Variants in TUSC3 observed in about 807,000 individuals in gnomAD.
The protein encoded by TUSC3 is tumor suppressor candidate 3.
A neutral mutation model predicts 44.8 loss-of-function variants in TUSC3; 45 were observed. That is an observed-to-expected ratio of 1.00 (90% CI 0.79 to 1.29). The LOEUF is 1.29. TUSC3 is among the 50% of genes most tolerant of loss of function. The pLI, the probability that TUSC3 is intolerant of heterozygous loss-of-function variation, is 0.00. For missense variants in TUSC3, 519 were observed against 437.9 expected, an observed-to-expected ratio of 1.19 and a Z score of -1.65; for synonymous variants, 212 against 152.9, an observed-to-expected ratio of 1.39 and a Z score of -2.85.
intron 8 of TUSC3, among the ~76,000 whole-genome samples, chr8:15,746,502 C>T (rs1034521478): frequency 6.7e-6 from 1 of 148,874 alleles, no homozygotes; most frequent in Non-Finnish European, 1.5e-5. Context: ...GGTGTAGTAT[C>T]TCATGTGGCT....
chr8:15,593,633 G>A (rs1046667528), intron 1 of TUSC3, among the ~76,000 whole-genome samples: 3 of 151,916 alleles, frequency 2.0e-5, no homozygotes, highest in Non-Finnish European at 2.9e-5. Context: ...ATTGTAATCC[G>A]CATAGCCATA....
intron 6 of TUSC3, among the ~76,000 whole-genome samples, chr8:15,684,277 C>G (rs1808536180): frequency 6.6e-6 from 1 of 152,106 alleles, no homozygotes; most frequent in Non-Finnish European, 1.5e-5. Flanking sequence ...AGTCACAACT[C>G]CTTGGGAACC....
chr8:15,429,188 G>T (rs2129116571), intron 1 of TUSC3, among the ~76,000 whole-genome samples: 1 of 152,206 alleles, frequency 6.6e-6, no homozygotes, highest in East Asian at 1.9e-4. Context: ...TTCTACATAT[G>T]GCTAGCCAGT....
chr8:15,675,310 A>T (rs919998381), intron 6 of TUSC3, among the ~76,000 whole-genome samples: 2 of 150,786 alleles, frequency 1.3e-5, no homozygotes, highest in Admixed American at 6.6e-5. Flanking sequence ...TTCTTTAGGT[A>T]TAAAACATAT....
At chr8:15,494,916 G>A (rs1800859238) in intron 2 of TUSC3, among the ~76,000 whole-genome samples, 2 of 146,310 alleles carry the variant, frequency 1.4e-5, no homozygotes, top group Non-Finnish European at 3.1e-5. Flanking sequence ...ATCTACCTGG[G>A]GCCATTTTTA....
Position 15,673,758 on chromosome 8 carries a change from T to G in TUSC3, c.720T>G (p.Phe240Leu). ...GWAMVSLCIVFAMTSGQMWNH... is the reference protein window; with the variant it reads ...GWAMVSLCIVLAMTSGQMWNH... Reference sequence around the variant, plus strand: ...ACCCTGTTTTTCAGTGTATAGTCTTTGCTATGACTTCTGGCCAGATGTGGA... The same window carrying G: ...ACCCTGTTTTTCAGTGTATAGTCTTGGCTATGACTTCTGGCCAGATGTGGA... Residue 240 changes from phenylalanine to leucine, a missense_variant, in exon 6 of 11, where the codon TTT (phenylalanine) becomes TTG (leucine). Phe to Leu is a conservative substitution (Grantham distance 22, BLOSUM62 0). Coordinates refer to ENST00000503731, the MANE Select transcript of TUSC3 (RefSeq NM_006765.4). The G allele has an allele frequency of 6.2e-7, 1 of 1,612,724 alleles. No individual in the cohort carries two copies. Among genetic ancestry groups the G allele is most frequent in the Non-Finnish European group, 8.5e-7 (1 of 1,179,024 alleles).
At chr8:15,551,523 G>T (rs191244645) in intron 1 of TUSC3, among the ~76,000 whole-genome samples, 1 of 151,524 alleles carries the variant, frequency 6.6e-6, no homozygotes, top group Non-Finnish European at 1.5e-5. Context: ...TCTTTTATTT[G>T]ACTGTCAAAT....
chr8:15,669,783 A>G (rs1807859541), intron 5 of TUSC3, among the ~76,000 whole-genome samples: 1 of 151,768 alleles, frequency 6.6e-6, no homozygotes, highest in Non-Finnish European at 1.5e-5. Flanking sequence ...GGAATAATAC[A>G]AGATGCCTGC....
intron 2 of TUSC3, among the ~76,000 whole-genome samples, chr8:15,512,874 A>ATATATATATATC (rs1801159799): frequency 2.9e-5 from 3 of 102,736 alleles, no homozygotes; most frequent in Non-Finnish European, 4.4e-5. Flanking sequence ...ATGTGTGTGT[A>ATATATATATATC]TATATATATA....
At chr8:15,439,855 C>G (rs1212111799) in intron 1 of TUSC3, among the ~76,000 whole-genome samples, 1 of 152,146 alleles carries the variant, frequency 6.6e-6, no homozygotes, top group African/African-American at 2.4e-5. Flanking sequence ...TACATTCAGT[C>G]TCTTGGTTCA....
At chr8:15,493,224 C>T (rs946390807) in intron 2 of TUSC3, among the ~76,000 whole-genome samples, 1 of 152,102 alleles carries the variant, frequency 6.6e-6, no homozygotes, top group Non-Finnish European at 1.5e-5. Flanking sequence ...TATTATTTGA[C>T]TCTATTGTAT....
chr8:15,664,410 TTGAAAACCTCTGCTATGTTATACA>T (rs1349954757), intron 5 of TUSC3, among the ~76,000 whole-genome samples: 2 of 150,416 alleles, frequency 1.3e-5, no homozygotes, highest in Middle Eastern at 3.2e-3. Context: ...ATCAGTTTTC[TTGAAAACCTCTGCTATGTTATACA>T]GATTTATTAT....
chr8:15,762,559 G>A (rs117011412), intron 10 of TUSC3, among the ~76,000 whole-genome samples: 10 of 152,132 alleles, frequency 6.6e-5, no homozygotes, highest in East Asian at 1.9e-4. Flanking sequence ...GGGTAATATC[G>A]TTAGCAGCAA....
intron 1 of TUSC3, among the ~76,000 whole-genome samples, chr8:15,600,968 T>G (rs1804263262): frequency 6.6e-6 from 1 of 151,546 alleles, no homozygotes. Context: ...TTGTATTTAG[T>G]TAAAATAATA....
intron 1 of TUSC3, among the ~76,000 whole-genome samples, chr8:15,435,033 T>C (rs1276216222): frequency 2.0e-5 from 3 of 147,924 alleles, no homozygotes; most frequent in Non-Finnish European, 4.4e-5. Flanking sequence ...TGATTTATAA[T>C]CCTTTGGGTA....
rs141649067 is a variant in TUSC3 at position 15,522,871 on chromosome 8, A to G, written n.189+39388A>G. 2.6e-5 allele frequency among the ~76,000 whole-genome samples: 4 copies of G among 152,300 alleles called. No homozygotes were observed. In the East Asian group the frequency reaches 5.8e-4, roughly 22 times the overall value. ...TCAAGCTTGTCTACACAAATGTGCT[A>G]TGTCAGTCCTTAAGTGCAGATGGTT... On this transcript the variant is annotated intron_variant and non_coding_transcript_variant, in intron 2 of 5. Transcript: ENST00000503191.
chr8:15,788,405 G>T, the TUSC3 span, among the ~76,000 whole-genome samples: 1 of 151,996 alleles, frequency 6.6e-6, no homozygotes, highest in African/African-American at 2.4e-5. Context: ...AAATTAGCCG[G>T]GCTTGGTGGC....
downstream of TUSC3, among the ~76,000 whole-genome samples, chr8:15,767,620 A>C (rs1206608821): frequency 1.3e-5 from 2 of 152,166 alleles, no homozygotes; most frequent in Non-Finnish European, 2.9e-5. Flanking sequence ...ATGGTCTTGA[A>C]GACTGCAGCC....
chr8:15,504,614 TATATATA>T (rs1320019362), intron 2 of TUSC3, among the ~76,000 whole-genome samples: 312 of 27,346 alleles, frequency 0.011, no homozygotes, highest in Middle Eastern at 0.024. Flanking sequence ...TATATATATA[TATATATA>T]TTTTTTTTTT....
Sources: allele counts gnomAD v4.1 joint callset (sites outside exome capture counted in the v4.1 genomes callset), GRCh38; gene constraint gnomAD v4.1.1; transcripts MANE v1.5; gene names NCBI Gene and HGNC (gene_info 2026-07-23, HGNC 2026-07-21).